The following AP3B1 variants were observed in gnomAD, a reference collection of about 807,000 sequenced individuals.
The protein encoded by AP3B1 is AP-3 complex subunit beta-1.
In AP3B1, 61 loss-of-function variants were observed where a neutral mutation model predicts 132.5. That is an observed-to-expected ratio of 0.46 (90% confidence interval 0.37 to 0.57). The LOEUF is 0.57. Among genes scored for constraint, AP3B1 ranks in the 20% least tolerant of loss-of-function variants. AP3B1 has a pLI of 0.00. For synonymous variants in AP3B1, 388 were observed against 438.3 expected, an observed-to-expected ratio of 0.89 and a Z score of 1.43; for missense variants, 1,120 against 1,289.4, an observed-to-expected ratio of 0.87 and a Z score of 2.01.
chr5:78,165,732 T>TA, intron 11 of AP3B1, 60 bp from the exon 12 acceptor site: 3 of 1,122,744 alleles, frequency 2.7e-6, no homozygotes, highest in Non-Finnish European at 4.0e-6. Context: ...ATGAATTTAA[T>TA]AGAGTACAGA....
intron 22 of AP3B1, among the ~76,000 whole-genome samples, chr5:78,072,523 TG>T (rs1221466170): frequency 1.3e-5 from 2 of 152,028 alleles, no homozygotes; most frequent in Admixed American, 6.6e-5. Context: ...TTTTGTTTTT[TG>T]GGGGGAGTAT....
intron 11 of AP3B1, among the ~76,000 whole-genome samples, chr5:78,170,463 A>G (rs565713811): frequency 2.0e-5 from 3 of 152,266 alleles, no homozygotes; most frequent in African/African-American, 7.2e-5. Flanking sequence ...CTGGTGTGAG[A>G]TGGTATTTCA....
chr5:78,227,284 T>C, intron 5 of AP3B1, 88 bp downstream of exon 5: 1 of 1,333,846 alleles, frequency 7.5e-7, no homozygotes. Context: ...GCAGCCTACC[T>C]AAAAGAGCGA....
chr5:78,015,380 C>T lies in AP3B1; in HGVS notation c.3131+30G>A. ...TATTTATACATATTCAAGTCATCTTCACCTCCACATCGTGTGTTAGTGAAC... is the reference window on the plus strand; with the variant it reads ...TATTTATACATATTCAAGTCATCTTTACCTCCACATCGTGTGTTAGTGAAC... On this transcript the variant is annotated intron_variant, in intron 26 of 26. Transcript: ENST00000255194. The T allele has an allele frequency of 3.1e-6, 5 of 1,611,394 alleles. No individual in the cohort carries two copies. In the Admixed American group the frequency reaches 8.3e-5, roughly 27 times the overall value.
chr5:78,050,109 C>T (rs1043841056), intron 22 of AP3B1, among the ~76,000 whole-genome samples: 1 of 152,048 alleles, frequency 6.6e-6, no homozygotes, highest in Non-Finnish European at 1.5e-5. Context: ...TAGGTTATTC[C>T]CTGGGACCCT....
intron 2 of AP3B1, among the ~76,000 whole-genome samples, chr5:78,262,208 T>C (rs1748123412): frequency 6.6e-6 from 1 of 152,240 alleles, no homozygotes; most frequent in Admixed American, 6.5e-5. Flanking sequence ...AGTCCTATGA[T>C]GCACACAAGT....
In AP3B1 at chr5:78,039,085, T is replaced by C. The variant is rs200985176; in HGVS notation, c.2767A>G (p.Lys923Glu). Residue 923 changes from lysine (K) to glutamate (E), a missense_variant, in exon 23 of 27, where the codon AAA becomes GAA. Transcript: ENST00000255194. Reference protein sequence around the residue: ...KIENIHIGEKKLPIGMKMHVF... With the variant: ...KIENIHIGEKELPIGMKMHVF... ...TGCATTTTCATGCCTATAGGAAGTT[T>C]TTTTTCCCCTATGTGGATATTTTCT... is the stretch of plus-strand genomic sequence containing the variant. 3 of 1,611,682 alleles carry C rather than the reference T, an allele frequency of 1.9e-6. No homozygotes were observed. The highest frequency in any genetic ancestry group is 2.5e-6 in the Non-Finnish European group (3 of 1,178,314).
At chr5:78,107,424 T>C (rs1024504137) in intron 20 of AP3B1, among the ~76,000 whole-genome samples, 1 of 152,204 alleles carries the variant, frequency 6.6e-6, no homozygotes, top group Admixed American at 6.5e-5. Flanking sequence ...CTCTGTTTTT[T>C]TCACTCCATG....
intron 20 of AP3B1, among the ~76,000 whole-genome samples, chr5:78,105,740 A>C (rs146772225): frequency 3.1e-4 from 47 of 152,344 alleles, no homozygotes; most frequent in Non-Finnish European, 6.3e-4. Flanking sequence ...TACGCTTATC[A>C]ATCAACATAA....
intron 20 of AP3B1, among the ~76,000 whole-genome samples, chr5:78,105,354 T>C (rs1001542719): frequency 6.6e-6 from 1 of 152,270 alleles, no homozygotes; most frequent in African/African-American, 2.4e-5. Context: ...CTAGGTTTCA[T>C]GAAGGATAAA....
chr5:78,185,605 T>C (rs543316443), intron 7 of AP3B1, among the ~76,000 whole-genome samples: 11 of 152,228 alleles, frequency 7.2e-5, no homozygotes, highest in Non-Finnish European at 1.2e-4. Context: ...CGTGCTTTGG[T>C]AGAAAGATTA....
chr5:78,235,405 GAGCT>G (rs1428214667), intron 3 of AP3B1, among the ~76,000 whole-genome samples: 2 of 152,160 alleles, frequency 1.3e-5, no homozygotes, highest in African/African-American at 4.8e-5. Flanking sequence ...AACCACAGCT[GAGCT>G]AGCAGGCATT....
chr5:78,255,340 C>A (rs1747806721), intron 2 of AP3B1, among the ~76,000 whole-genome samples: 1 of 151,788 alleles, frequency 6.6e-6, no homozygotes, highest in Non-Finnish European at 1.5e-5. Context: ...TGATCTGTTG[C>A]CCACAAAAAA....
chr5:78,041,525 C>T (rs1268200893), intron 22 of AP3B1, among the ~76,000 whole-genome samples: 2 of 151,460 alleles, frequency 1.3e-5, no homozygotes, highest in South Asian at 2.1e-4. Flanking sequence ...GGTCACTGCA[C>T]TCCCGCCTGG....
intron 24 of AP3B1, among the ~76,000 whole-genome samples, chr5:78,031,812 G>A (rs1747588621): frequency 6.6e-6 from 1 of 152,032 alleles, no homozygotes; most frequent in Non-Finnish European, 1.5e-5. Flanking sequence ...TCAGCTAATG[G>A]CATCTGTTCT....
rs1749306986 is a variant in AP3B1 at position 78,286,959 on chromosome 5, A to T, written c.128+7493T>A. ...TTTAAGCTCTTCATTTTAAATTTTG[A>T]ATTTGGACTGCAGGCAATTTGTTTT... is the stretch of plus-strand genomic sequence containing the variant. On this transcript the variant is annotated intron_variant, in intron 1 of 26. Transcript: ENST00000255194. Among the ~76,000 whole-genome samples the T allele has an allele frequency of 1.3e-5, 2 of 152,328 alleles. 1 individual carries two copies. The highest frequency in any genetic ancestry group is 4.1e-4 in the South Asian group (2 of 4,824).
At chr5:78,053,236 C>T (rs1748655306) in intron 22 of AP3B1, among the ~76,000 whole-genome samples, 1 of 152,228 alleles carries the variant, frequency 6.6e-6, no homozygotes, top group Non-Finnish European at 1.5e-5. Flanking sequence ...AATTCACTGT[C>T]TCCTGCATTC....
chr5:78,288,620 T>C (rs1220665007), intron 1 of AP3B1, among the ~76,000 whole-genome samples: 1 of 152,216 alleles, frequency 6.6e-6, no homozygotes, highest in Non-Finnish European at 1.5e-5. Flanking sequence ...TCAGTCATGC[T>C]TCATTTTTTA....
At position 78,160,056 on chromosome 5, in the gene AP3B1, G is replaced by A. The variant is rs1391362070; in HGVS notation, c.1363+2763C>T. Among the ~76,000 whole-genome samples, 15 of 152,316 alleles carry A rather than the reference G, an allele frequency of 9.8e-5. No homozygotes were observed. The South Asian group carries it at 3.1e-3, about 32-fold the overall frequency. ...CTACATAGGTGGTATAGTCCTACAT[G>A]TAAGCAAATAGCTGGCAAGAGAGTA... On this transcript the variant is annotated intron_variant, in intron 13 of 26. Transcript: ENST00000255194.
Sources: allele counts gnomAD v4.1 joint callset (sites outside exome capture counted in the v4.1 genomes callset), GRCh38; gene constraint gnomAD v4.1.1; transcripts MANE v1.5; gene names NCBI Gene and HGNC (gene_info 2026-07-23, HGNC 2026-07-21).